Variants in RBMS3 observed in about 807,000 individuals in gnomAD.
RBMS3 encodes the protein RNA binding motif single stranded interacting protein 3.
Under a neutral mutation model 66.8 loss-of-function variants are expected in RBMS3, and 27 were observed. That is an observed-to-expected ratio of 0.40 (90% CI 0.30 to 0.56). The LOEUF is 0.56. RBMS3 is among the 20% of genes least tolerant of loss of function. The pLI is 0.40. For missense variants in RBMS3, 513 were observed against 549.5 expected (o/e 0.93, Z 0.66); for synonymous variants, 188 against 183.0 (o/e 1.03, Z -0.22).
intron 1 of RBMS3, among the ~76,000 whole-genome samples, chr3:29,355,582 A>C (rs2037175994): frequency 6.6e-6 from 1 of 151,896 alleles, no homozygotes; most frequent in South Asian, 2.1e-4. Flanking sequence ...AAAAATGTTG[A>C]TGATACCTGT....
intron 4 of RBMS3, among the ~76,000 whole-genome samples, chr3:29,629,526 A>C (rs530502278): frequency 6.6e-6 from 1 of 152,244 alleles, no homozygotes; most frequent in South Asian, 2.1e-4. Context: ...AATTGGTAAA[A>C]ATGTTATGTC....
chr3:29,832,228 G>A (rs893487218), intron 6 of RBMS3, among the ~76,000 whole-genome samples: 5 of 152,234 alleles, frequency 3.3e-5, no homozygotes, highest in South Asian at 2.1e-4. Flanking sequence ...CAAAGAGAGA[G>A]GTGGAAGGAG....
chr3:29,748,807 A>T (rs971987303), intron 5 of RBMS3, among the ~76,000 whole-genome samples: 1 of 152,202 alleles, frequency 6.6e-6, no homozygotes, highest in Non-Finnish European at 1.5e-5. Context: ...TTGACTCCTT[A>T]GTCCTATATC....
At chr3:29,693,779 A>G (rs1168429964) in intron 4 of RBMS3, among the ~76,000 whole-genome samples, 1 of 152,240 alleles carries the variant, frequency 6.6e-6, no homozygotes, top group Non-Finnish European at 1.5e-5. Flanking sequence ...GATTTGATCA[A>G]TAATTTCAGA....
chr3:29,357,626 T>C (rs1215894145), intron 1 of RBMS3, among the ~76,000 whole-genome samples: 1 of 152,232 alleles, frequency 6.6e-6, no homozygotes, highest in African/African-American at 2.4e-5. Flanking sequence ...ATTGCCACAC[T>C]GACTTCCACA....
At chr3:29,289,186 C>A (rs1231626854) in intron 1 of RBMS3, among the ~76,000 whole-genome samples, 2 of 151,726 alleles carry the variant, frequency 1.3e-5, no homozygotes. Context: ...GTGAAATAAC[C>A]CTGACCTCAA....
intron 3 of RBMS3, among the ~76,000 whole-genome samples, chr3:29,569,029 C>T (rs951626794): frequency 8.6e-5 from 13 of 152,036 alleles, no homozygotes; most frequent in African/African-American, 3.1e-4. Context: ...TAGGGTAGGC[C>T]TGAAATTGTG....
In RBMS3 at chr3:29,482,958, G is replaced by A. The variant is rs576550536; in HGVS notation, c.249-5483G>A. Among the ~76,000 whole-genome samples the A allele has an allele frequency of 4.0e-5, 6 of 151,328 alleles. No individual in the cohort carries two copies. In the South Asian group the frequency reaches 8.3e-4, roughly 21 times the overall value. The stretch of plus-strand genomic sequence containing the variant: ...CCTAACCTCGTGATCTACCCACCTC[G>A]GTCTCCCAAAGTACTGGGATTACAG... On this transcript the variant is annotated intron_variant, in intron 2 of 14. Transcript: ENST00000383767.
chr3:29,822,416 T>C (rs2058097553), intron 6 of RBMS3, among the ~76,000 whole-genome samples: 1 of 152,180 alleles, frequency 6.6e-6, no homozygotes, highest in Non-Finnish European at 1.5e-5. Flanking sequence ...AAATCAAACT[T>C]GCATTGCAGA....
chr3:29,827,849 A>T (rs1228121389), intron 6 of RBMS3, among the ~76,000 whole-genome samples: 1 of 152,186 alleles, frequency 6.6e-6, no homozygotes, highest in African/African-American at 2.4e-5. Context: ...GACCAAAAAG[A>T]TGATAGAAAT....
intron 1 of RBMS3, among the ~76,000 whole-genome samples, chr3:29,283,581 G>C (rs1255819974): frequency 6.6e-6 from 1 of 152,106 alleles, no homozygotes; most frequent in East Asian, 1.9e-4. Context: ...ATGTAGTTTA[G>C]TGTTGTATAG....
chr3:29,560,753 T>C (rs2149047722), intron 3 of RBMS3, among the ~76,000 whole-genome samples: 1 of 152,328 alleles, frequency 6.6e-6, no homozygotes, highest in Middle Eastern at 3.4e-3. Flanking sequence ...CTTTTAACTT[T>C]TAAGTGCAGG....
chr3:29,715,972 G>T (rs991216494), intron 4 of RBMS3, among the ~76,000 whole-genome samples: 3 of 152,108 alleles, frequency 2.0e-5, no homozygotes, highest in Non-Finnish European at 4.4e-5. Context: ...GTTAGAAAAA[G>T]GGAAGAGATG....
At chr3:29,884,465 T>TCTCTCTCTCTCTCTCC (rs2059816945) in intron 8 of RBMS3, among the ~76,000 whole-genome samples, 1 of 92,954 alleles carries the variant, frequency 1.1e-5, no homozygotes, top group Non-Finnish European at 2.5e-5. Context: ...TCTCTCTCTC[T>TCTCTCTCTCTCTCTCC]CTCTCCCCCC....
intron 1 of RBMS3, among the ~76,000 whole-genome samples, chr3:29,349,459 A>C (rs1394676255): frequency 6.6e-6 from 1 of 152,188 alleles, no homozygotes; most frequent in African/African-American, 2.4e-5. Flanking sequence ...GGGACCAATC[A>C]CAGTTCACTT....
intron 4 of RBMS3, among the ~76,000 whole-genome samples, chr3:29,715,216 G>A (rs115440944): frequency 0.017 from 2,624 of 152,158 alleles, 79 homozygotes; most frequent in African/African-American, 0.059. Flanking sequence ...AAATCCAGGG[G>A]CTACCTCAGG....
intron 5 of RBMS3, 30 bp downstream of exon 5, chr3:29,739,907 C>T (rs2054559991): frequency 1.4e-6 from 2 of 1,468,466 alleles, no homozygotes; most frequent in Non-Finnish European, 1.8e-6. Flanking sequence ...TGTAATCGTT[C>T]TTTCCTCATT....
In RBMS3 at chr3:29,547,487, C is replaced by A. The variant is rs537103929; in HGVS notation, c.308-39627C>A. 7.2e-5 allele frequency among the ~76,000 whole-genome samples: 11 copies of A among 151,882 alleles called. 1 individual carries two copies. On this transcript the variant is annotated intron_variant, in intron 3 of 14. Coordinates refer to ENST00000383767, the MANE Select transcript of RBMS3 (RefSeq NM_001003793.3). ...TTGGAAAATAAAAAAATCCTCCCCC[C>A]GCCCCACCATTATTATAAGCTCCAT...
At chr3:29,327,198 G>C (rs896741275) in intron 1 of RBMS3, among the ~76,000 whole-genome samples, 10 of 152,106 alleles carry the variant, frequency 6.6e-5, no homozygotes, top group Admixed American at 3.3e-4. Context: ...TTTGCCATAA[G>C]GACATGATTT....
Sources: gnomAD v4.1 joint callset for allele counts (sites outside exome capture counted in the v4.1 genomes callset) on GRCh38, gnomAD v4.1.1 for gene constraint, MANE v1.5 for transcripts, NCBI Gene and HGNC (gene_info 2026-07-23, HGNC 2026-07-21) for gene names.